GFRA2: variants seen among roughly 807,000 people sequenced by gnomAD.
GFRA2 encodes GDNF family receptor alpha-2.
A neutral mutation model predicts 48.3 loss-of-function variants in GFRA2; 17 were observed. The observed-to-expected ratio is 0.35, with a 90% CI of 0.24 to 0.53. The LOEUF (loss-of-function observed/expected upper bound fraction) is 0.53, where lower values mean the gene tolerates loss of function less well. GFRA2 is among the 20% of genes least tolerant of loss of function. The pLI is 0.93. For missense variants in GFRA2, 660 were observed against 637.3 expected (o/e 1.04, Z -0.38); for synonymous variants, 305 against 257.2 (o/e 1.19, Z -1.78).
upstream of GFRA2, among the ~76,000 whole-genome samples, chr8:21,792,249 C>G (rs1215108565): frequency 6.6e-6 from 1 of 152,240 alleles, no homozygotes; most frequent in African/African-American, 2.4e-5. Context: ...GCACCTAGGC[C>G]TGGGCCACAC....
At chr8:21,788,876 C>G, upstream of GFRA2, 1 of 795,058 alleles carries the variant, frequency 1.3e-6, no homozygotes, top group South Asian at 5.7e-5. Context: ...TCCAGCTCTC[C>G]CTCGCTCTCC....
intron 4 of GFRA2, among the ~76,000 whole-genome samples, chr8:21,746,216 G>T (rs1439563298): frequency 6.6e-6 from 1 of 152,160 alleles, no homozygotes; most frequent in Non-Finnish European, 1.5e-5. Flanking sequence ...CACCTGCAGT[G>T]TCTGTGCATC....
intron 4 of GFRA2, among the ~76,000 whole-genome samples, chr8:21,718,899 A>G (rs902568052): frequency 1.3e-5 from 1 of 74,472 alleles, no homozygotes; most frequent in Non-Finnish European, 2.7e-5. Flanking sequence ...CCCAGCCCCC[A>G]ACTCTGCCCA....
chr8:21,701,863 G>C lies in GFRA2; in HGVS notation c.1218+942C>G, dbSNP rs571977677. 2.0e-5 allele frequency among the ~76,000 whole-genome samples: 3 copies of C among 152,260 alleles called. No individual in the cohort carries two copies. The South Asian group carries it at 6.2e-4, about 32-fold the overall frequency. ...AATCATCAGAGCTGATGGTGAAGGG[G>C]GCTGGGTGGGGTTCCCAAAGCCACG... is the stretch of plus-strand genomic sequence containing the variant. On this transcript the variant is annotated intron_variant, in intron 7 of 8. Transcript: ENST00000524240.
intron 4 of GFRA2, among the ~76,000 whole-genome samples, chr8:21,727,544 C>T (rs984725177): frequency 1.3e-5 from 2 of 152,208 alleles, no homozygotes; most frequent in African/African-American, 2.4e-5. Flanking sequence ...CACGGCCCCC[C>T]CCAGGAGACA....
At chr8:21,781,536 G>A (rs529107060) in intron 2 of GFRA2, among the ~76,000 whole-genome samples, 22 of 152,190 alleles carry the variant, frequency 1.4e-4, no homozygotes, top group Non-Finnish European at 8.8e-5. Flanking sequence ...CCAGGAAGAC[G>A]CTTTAGATTT....
rs371274221 is a variant in GFRA2 at position 21,743,083 on chromosome 8, T to C, written c.794+7505A>G. On this transcript the variant is annotated intron_variant, in intron 4 of 8. Coordinates refer to ENST00000524240, the MANE Select transcript of GFRA2 (RefSeq NM_001495.5). ...CCTTGTCTCAACATGTCGCGGGAAA[T>C]TCCAGGGAGGGTCACTCGGGGACCC... Among the ~76,000 whole-genome samples the C allele has an allele frequency of 1.4e-4, 22 of 152,284 alleles. 1 individual carries two copies. The highest frequency in any genetic ancestry group is 1.0e-3 in the South Asian group (5 of 4,826).
intron 4 of GFRA2, among the ~76,000 whole-genome samples, chr8:21,706,824 T>A (rs1585234457): frequency 6.6e-6 from 1 of 152,308 alleles, no homozygotes; most frequent in Middle Eastern, 3.4e-3. Flanking sequence ...CTGAGCTGGG[T>A]CTGTCCCCAG....
In GFRA2 at chr8:21,750,764, C is replaced by A; in HGVS notation, c.618G>T (p.Gln206His). 6.2e-7 allele frequency: 1 copy of A among 1,614,036 alleles called. No individual in the cohort carries two copies. The highest frequency in any genetic ancestry group is 1.3e-5 in the African/African-American group (1 of 75,080). Residue 206 changes from glutamine to histidine, a missense_variant, in exon 4 of 9, where the codon CAG (glutamine) becomes CAT (histidine). Coordinates refer to ENST00000524240, the MANE Select transcript of GFRA2 (RefSeq NM_001495.5). The surrounding 1 kb of genome is among the most constrained non-coding windows in gnomAD (Gnocchi z 5.7). ...NRRKCHKALR[Q>H]FFDRVPSEYT... ...ACTCGCTGGGCACCCGGTCGAAGAACTGGCGCAGGGCCTTGTGGCACTTGC... is the reference window on the plus strand; with the variant it reads ...ACTCGCTGGGCACCCGGTCGAAGAAATGGCGCAGGGCCTTGTGGCACTTGC...
intron 4 of GFRA2, among the ~76,000 whole-genome samples, chr8:21,747,049 C>G (rs1805040438): frequency 6.6e-6 from 1 of 152,102 alleles, no homozygotes; most frequent in Non-Finnish European, 1.5e-5. Context: ...GATTCCAGGC[C>G]CCCTGCAGTC....
intron 3 of GFRA2, among the ~76,000 whole-genome samples, chr8:21,759,543 A>AAGGAAGG (rs879376871): frequency 6.8e-6 from 1 of 147,284 alleles, no homozygotes; most frequent in African/African-American, 2.5e-5. Flanking sequence ...GGAAGGAAGG[A>AAGGAAGG]GGGAAGGAAG....
intron 4 of GFRA2, among the ~76,000 whole-genome samples, chr8:21,707,425 C>T (rs1049155949): frequency 3.9e-5 from 6 of 152,204 alleles, no homozygotes; most frequent in East Asian, 1.9e-4. Flanking sequence ...GGCTTTCCAC[C>T]GGAAGGTGCT....
chr8:21,756,528 G>A (rs950735198), intron 3 of GFRA2, among the ~76,000 whole-genome samples: 1 of 152,188 alleles, frequency 6.6e-6, no homozygotes, highest in African/African-American at 2.4e-5. Flanking sequence ...GCCAGCCACT[G>A]CCATCTGCAG....
rs199531469 is a variant in GFRA2, at chr8:21,779,915, C to T, written c.355+2670G>A. On this transcript the variant is annotated intron_variant, in intron 2 of 8. Transcript: ENST00000524240. The stretch of plus-strand genomic sequence containing the variant: ...GCTCCCCTGTTCGAAGGCTCATCCC[C>T]TGGCCCACTTTGTGCCCTGGACCCA... Among the ~76,000 whole-genome samples the T allele has an allele frequency of 2.6e-3, 398 of 152,218 alleles. 21 individuals are homozygous for T. The East Asian group carries it at 0.071, about 27-fold the overall frequency.
intron 3 of GFRA2, among the ~76,000 whole-genome samples, chr8:21,772,006 G>GATCT (rs1806460685): frequency 6.6e-6 from 1 of 152,148 alleles, no homozygotes; most frequent in African/African-American, 2.4e-5. Context: ...ACACAGGTGG[G>GATCT]GGATACATGT....
intron 3 of GFRA2, among the ~76,000 whole-genome samples, chr8:21,764,481 C>A (rs1292123679): frequency 2.6e-5 from 4 of 152,214 alleles, no homozygotes; most frequent in Non-Finnish European, 5.9e-5. Flanking sequence ...GACCATAGCA[C>A]CTTAACTCAT....
rs948469268 is a variant in GFRA2 at position 21,690,462 on chromosome 8, T to C, written c.*2816A>G. On this transcript the variant is annotated 3_prime_UTR_variant, in exon 9 of 9. Transcript: ENST00000524240. ...TTGCATATTTTGAGAGAATCACAAA[T>C]AGGAATCATCTCAACCAAAGGAATG... is the stretch of plus-strand genomic sequence containing the variant. 4 of 152,226 alleles carry C rather than the reference T, an allele frequency of 2.6e-5. No homozygotes were observed. The highest frequency in any genetic ancestry group is 6.5e-5 in the Admixed American group (1 of 15,288). The allele number at this position is 152,226 out of a possible 1,614,324, so 9.4% of individuals were successfully genotyped here. A position where few individuals can be genotyped will look rare whatever the true frequency, so the allele number is the denominator to read the frequency against.
At chr8:21,779,129 G>A (rs890548578) in intron 2 of GFRA2, among the ~76,000 whole-genome samples, 1 of 151,572 alleles carries the variant, frequency 6.6e-6, no homozygotes, top group Non-Finnish European at 1.5e-5. Context: ...GAGCCCAGGA[G>A]GTAGAGGCTG....
intron 4 of GFRA2, among the ~76,000 whole-genome samples, chr8:21,736,176 G>A (rs763793258): frequency 3.9e-5 from 6 of 152,176 alleles, no homozygotes; most frequent in African/African-American, 1.2e-4. Flanking sequence ...GTCCAGACAC[G>A]CATTTCTTCA....
Sources: allele counts gnomAD v4.1 joint callset (sites outside exome capture counted in the v4.1 genomes callset), GRCh38; gene constraint gnomAD v4.1.1; non-coding constraint Gnocchi (gnomAD v3.1); transcripts MANE v1.5; gene names NCBI Gene and HGNC (gene_info 2026-07-23, HGNC 2026-07-21).